CEPT1: variants seen among roughly 807,000 people sequenced by gnomAD.
CEPT1 encodes choline/ethanolaminephosphotransferase 1.
In CEPT1, 7 loss-of-function variants were observed where a neutral mutation model predicts 42.6. That is an observed-to-expected ratio of 0.16 (90% CI 0.09 to 0.31). CEPT1 has a LOEUF of 0.31. Among genes scored for constraint, CEPT1 ranks in the 10% least tolerant of loss-of-function variants. The pLI is 1.00. For missense variants in CEPT1, 306 were observed against 502.1 expected, an observed-to-expected ratio of 0.61 and a Z score of 3.73; for synonymous variants, 171 against 171.9, an observed-to-expected ratio of 0.99 and a Z score of 0.04.
At chr1:111,155,435 A>G (rs1417341676) in intron 2 of CEPT1, among the ~76,000 whole-genome samples, 11 of 151,116 alleles carry the variant, frequency 7.3e-5, no homozygotes, top group African/African-American at 2.7e-4. Flanking sequence ...CCAACTTTTC[A>G]TTTTATCATT....
chr1:111,151,513 C>CA (rs1399801754), intron 2 of CEPT1, among the ~76,000 whole-genome samples: 1 of 152,132 alleles, frequency 6.6e-6, no homozygotes, highest in African/African-American at 2.4e-5. Context: ...CGGGACAACT[C>CA]AGAGTGGAAG....
intron 1 of CEPT1, among the ~76,000 whole-genome samples, chr1:111,144,782 A>G (rs1168806495): frequency 6.6e-6 from 1 of 152,244 alleles, no homozygotes; most frequent in African/African-American, 2.4e-5. Flanking sequence ...ATCATTTACC[A>G]AATACGAAAA....
intron 4 of CEPT1, among the ~76,000 whole-genome samples, chr1:111,173,895 T>G (rs1389829364): frequency 6.6e-6 from 1 of 152,184 alleles, no homozygotes; most frequent in African/African-American, 2.4e-5. Flanking sequence ...TTTTAAAAGC[T>G]GTAAAATATT....
In CEPT1 at chr1:111,184,354, G is replaced by T; in HGVS notation, c.*44G>T. 6.6e-7 allele frequency: 1 copy of T among 1,509,366 alleles called. No individual in the cohort carries two copies. Among genetic ancestry groups the T allele is most frequent in the Non-Finnish European group, 9.1e-7 (1 of 1,096,824 alleles). The allele number at this position is 1,509,366 out of a possible 1,614,324, so 93.5% of individuals were successfully genotyped here. On this transcript the variant is annotated 3_prime_UTR_variant, in exon 9 of 9. Transcript: ENST00000357172. Reference sequence around the variant, plus strand: ...GGAACATCATGTTTTCTGCAGGAAAGAAAGTAACATATTAAGGAGAATGGG... The same window carrying T: ...GGAACATCATGTTTTCTGCAGGAAATAAAGTAACATATTAAGGAGAATGGG...
At chr1:111,161,008 G>A in intron 3 of CEPT1, 147 bp from the exon 4 acceptor site, 1 of 780,838 alleles carries the variant, frequency 1.3e-6, no homozygotes, top group South Asian at 1.6e-5. Flanking sequence ...TTATGTAACA[G>A]ATTATATCCT....
In CEPT1 at chr1:111,182,837, A is replaced by C. The variant is rs775914989; in HGVS notation, c.885A>C (p.Ser295=). The change falls in exon 7 of 9, where the codon TCA becomes TCC. Residue 295 remains serine, a synonymous_variant. Transcript: ENST00000357172. ...TTTCTCCTTTTCTCCATATTGGATC[A>C]GTGATTACATTAGCTGCAATGATCT... The part of the protein sequence containing the change: ...SVLSPFLHIG[S]VITLAAMIYK... 1 of 1,613,608 alleles carries C rather than the reference A, an allele frequency of 6.2e-7. No homozygotes were observed. The highest frequency in any genetic ancestry group is 2.2e-5 in the East Asian group (1 of 44,846).
chr1:111,177,443 T>G (rs1489880806), intron 5 of CEPT1, among the ~76,000 whole-genome samples: 1 of 152,154 alleles, frequency 6.6e-6, no homozygotes, highest in Non-Finnish European at 1.5e-5. Context: ...GCATTTTAGA[T>G]TTTGGATTTT....
At chr1:111,140,576 G>T (rs994170485) in intron 1 of CEPT1, 1 of 152,662 alleles carries the variant, frequency 6.6e-6, no homozygotes, top group Non-Finnish European at 1.5e-5. Flanking sequence ...GCGCCGGCGC[G>T]GGAGCCGGGG....
At chr1:111,147,513 G>T (rs1655033826) in intron 1 of CEPT1, 129 bp from the exon 2 acceptor site, 3 of 432,682 alleles carry the variant, frequency 6.9e-6, no homozygotes, top group Non-Finnish European at 1.2e-5. Flanking sequence ...TCCTTTTCTG[G>T]TCCTGTTTGA....
chr1:111,151,684 C>T (rs1017553680), intron 2 of CEPT1, among the ~76,000 whole-genome samples: 1 of 152,150 alleles, frequency 6.6e-6, no homozygotes, highest in Non-Finnish European at 1.5e-5. Context: ...AGATGACAAA[C>T]GTTTCCCTTT....
At chr1:111,146,145 G>A (rs1321364624) in intron 1 of CEPT1, among the ~76,000 whole-genome samples, 2 of 150,134 alleles carry the variant, frequency 1.3e-5, no homozygotes, top group Non-Finnish European at 3.0e-5. Context: ...TTTCTCACAA[G>A]GTTCTTTATT....
intron 1 of CEPT1, among the ~76,000 whole-genome samples, chr1:111,142,084 C>T (rs1654665150): frequency 6.6e-6 from 1 of 151,992 alleles, no homozygotes. Flanking sequence ...ACTTGTCAGA[C>T]ATTCCCCATG....
intron 2 of CEPT1, among the ~76,000 whole-genome samples, chr1:111,152,359 G>A (rs566811261): frequency 2.6e-4 from 39 of 152,128 alleles, no homozygotes; most frequent in African/African-American, 9.4e-4. Context: ...TTAAAAAAAT[G>A]CAAAGAGTGG....
intron 1 of CEPT1, among the ~76,000 whole-genome samples, chr1:111,145,367 T>C (rs1654902359): frequency 6.6e-6 from 1 of 152,240 alleles, no homozygotes; most frequent in Non-Finnish European, 1.5e-5. Context: ...GATGAGTCTC[T>C]TGAGATTTTT....
At chr1:111,148,553 T>C (rs1351573930) in intron 2 of CEPT1, among the ~76,000 whole-genome samples, 1 of 152,168 alleles carries the variant, frequency 6.6e-6, no homozygotes, top group African/African-American at 2.4e-5. Context: ...CTAACAACTG[T>C]GGCAAAGGAA....
chr1:111,141,094 C>T (rs914313352), intron 1 of CEPT1, among the ~76,000 whole-genome samples: 3 of 152,164 alleles, frequency 2.0e-5, no homozygotes, highest in Non-Finnish European at 4.4e-5. Context: ...CATAGTATGA[C>T]AGTAGGCAAA....
intron 4 of CEPT1, among the ~76,000 whole-genome samples, chr1:111,168,297 A>C (rs1349238953): frequency 5.3e-5 from 8 of 152,076 alleles, no homozygotes; most frequent in Admixed American, 2.6e-4. Flanking sequence ...GCTTAGATTC[A>C]GTTTATTTGG....
chr1:111,157,421 A>G (rs915136090), intron 2 of CEPT1, among the ~76,000 whole-genome samples: 1 of 152,234 alleles, frequency 6.6e-6, no homozygotes, highest in Non-Finnish European at 1.5e-5. Context: ...ACATATGGCT[A>G]TTGAGCATTC....
chr1:111,182,058 T>TGG (rs1657020014), intron 5 of CEPT1, 129 bp from the exon 6 acceptor site: 1 of 609,270 alleles, frequency 1.6e-6, no homozygotes, highest in African/African-American at 1.9e-5. Flanking sequence ...AAAGGACACT[T>TGG]TCATTACTTT....
Sources: gnomAD v4.1 joint callset for allele counts (sites outside exome capture counted in the v4.1 genomes callset) on GRCh38, gnomAD v4.1.1 for gene constraint, MANE v1.5 for transcripts, NCBI Gene and HGNC (gene_info 2026-07-23, HGNC 2026-07-21) for gene names.